The following CDH13 variants were observed in gnomAD, a reference collection of about 807,000 sequenced individuals.
CDH13 encodes cadherin-13.
A neutral mutation model predicts 63.8 loss-of-function variants in CDH13; 24 were observed. The ratio of observed to expected loss-of-function variants is 0.38; its 90% CI spans 0.27 to 0.53. The LOEUF is 0.53. CDH13 is among the 20% of genes least tolerant of loss of function. CDH13 has a pLI of 0.85. For missense variants in CDH13, 1,049 were observed against 903.1 expected, an observed-to-expected ratio of 1.16 and a Z score of -2.07; for synonymous variants, 503 against 355.3, an observed-to-expected ratio of 1.42 and a Z score of -4.67.
intron 5 of CDH13, among the ~76,000 whole-genome samples, chr16:83,292,916 A>G (rs886663458): frequency 3.3e-5 from 5 of 152,200 alleles, no homozygotes; most frequent in Non-Finnish European, 5.9e-5. Flanking sequence ...GCATTTTACA[A>G]TATCTATTGG....
chr16:83,595,547 C>T (rs758381860), intron 7 of CDH13, among the ~76,000 whole-genome samples: 1 of 152,218 alleles, frequency 6.6e-6, no homozygotes, highest in African/African-American at 2.4e-5. Context: ...TGGCTTATGT[C>T]TTGCTCACAT....
At chr16:82,841,893 C>T (rs2039021645) in intron 1 of CDH13, among the ~76,000 whole-genome samples, 1 of 151,842 alleles carries the variant, frequency 6.6e-6, no homozygotes, top group Non-Finnish European at 1.5e-5. Context: ...AGTGATTTCA[C>T]ATTAGTAGCT....
At chr16:83,028,218 G>A (rs1199664877) in intron 2 of CDH13, among the ~76,000 whole-genome samples, 1 of 152,172 alleles carries the variant, frequency 6.6e-6, no homozygotes, top group African/African-American at 2.4e-5. Flanking sequence ...AATACTAATT[G>A]ATGATAACAG....
chr16:83,080,869 G>GTTTTTTTTT (rs1555579021), intron 3 of CDH13, among the ~76,000 whole-genome samples: 3 of 37,792 alleles, frequency 7.9e-5, no homozygotes, highest in African/African-American at 3.2e-4. Context: ...TTTTGTTTTT[G>GTTTTTTTTT]TGTTTTTTTT....
intron 1 of CDH13, among the ~76,000 whole-genome samples, chr16:82,828,950 A>G (rs1159899833): frequency 2.6e-5 from 4 of 152,184 alleles, no homozygotes; most frequent in Non-Finnish European, 5.9e-5. Context: ...CCTTTTAGAT[A>G]AAGTTTCATA....
chr16:83,265,885 G>T (rs1335534398), intron 5 of CDH13, among the ~76,000 whole-genome samples: 1 of 151,802 alleles, frequency 6.6e-6, no homozygotes, highest in Non-Finnish European at 1.5e-5. Context: ...GCCTCAAAAT[G>T]GGTGATGGGG....
chr16:83,459,547 G>T (rs892072987), intron 6 of CDH13, among the ~76,000 whole-genome samples: 7 of 152,172 alleles, frequency 4.6e-5, no homozygotes, highest in Non-Finnish European at 1.0e-4. Context: ...CTTGAAGCAA[G>T]CTAACTAATT....
At chr16:83,193,565 C>G (rs893571749) in intron 4 of CDH13, among the ~76,000 whole-genome samples, 3 of 152,190 alleles carry the variant, frequency 2.0e-5, no homozygotes, top group African/African-American at 4.8e-5. Context: ...TGTGGTCTCC[C>G]TGAGACCTTT....
At chr16:83,567,449 A>C (rs769456467) in intron 7 of CDH13, among the ~76,000 whole-genome samples, 1 of 152,218 alleles carries the variant, frequency 6.6e-6, no homozygotes, top group Non-Finnish European at 1.5e-5. Flanking sequence ...AGTCACAAGA[A>C]GAGTTGCTTG....
intron 11 of CDH13, chr16:83,773,083 C>T (rs1268366453): frequency 6.6e-6 from 1 of 152,170 alleles, no homozygotes; most frequent in Non-Finnish European, 1.5e-5. Flanking sequence ...TGGAGTTAGG[C>T]TCCAACCCTT....
intron 2 of CDH13, among the ~76,000 whole-genome samples, chr16:82,966,411 T>A (rs1907839470): frequency 6.6e-6 from 1 of 152,176 alleles, no homozygotes; most frequent in Non-Finnish European, 1.5e-5. Context: ...CCTCCCAAAG[T>A]GTTGGGATTA....
chr16:83,674,647 C>A (rs557768838), intron 9 of CDH13, among the ~76,000 whole-genome samples: 8 of 152,348 alleles, frequency 5.3e-5, no homozygotes, highest in Admixed American at 3.3e-4. Flanking sequence ...AGCAATCCAA[C>A]ATACAGAAGA....
At chr16:83,035,851 C>G (rs186229368) in intron 3 of CDH13, among the ~76,000 whole-genome samples, 1 of 152,134 alleles carries the variant, frequency 6.6e-6, no homozygotes, top group Non-Finnish European at 1.5e-5. Context: ...TTCAATGAGA[C>G]GATACATGTA....
chr16:83,180,970 A>C, intron 4 of CDH13: 1 of 1,532,132 alleles, frequency 6.5e-7, no homozygotes, highest in South Asian at 1.2e-5. Context: ...TGAACATCCT[A>C]TTTGGCGACA....
intron 7 of CDH13, among the ~76,000 whole-genome samples, chr16:83,600,585 G>A (rs553128736): frequency 3.7e-4 from 56 of 152,206 alleles, no homozygotes; most frequent in Middle Eastern, 3.4e-3. Context: ...TTGCTTTTTT[G>A]TTCCTTGCTT....
intron 1 of CDH13, among the ~76,000 whole-genome samples, chr16:82,684,292 T>G (rs373669992): frequency 6.6e-6 from 1 of 152,166 alleles, no homozygotes; most frequent in South Asian, 2.1e-4. Flanking sequence ...CATAAGGGTT[T>G]CCTTGATTAC....
chr16:83,715,928 C>T (rs1211634651), intron 10 of CDH13, among the ~76,000 whole-genome samples: 2 of 152,164 alleles, frequency 1.3e-5, no homozygotes, highest in Non-Finnish European at 2.9e-5. Flanking sequence ...TCCCCTTTTG[C>T]AGTAATTTTC....
rs566201841 is a variant in CDH13 at position 83,343,545 on chromosome 16, T to A, written c.637-1317T>A. On this transcript the variant is annotated intron_variant, in intron 5 of 13. Coordinates refer to ENST00000567109, the MANE Select transcript of CDH13 (RefSeq NM_001257.5). ...GGTTTCTGTTGAATTTTGCCATGCT[T>A]TTGAAAAGGATTATACTGGTTTACA... is the stretch of plus-strand genomic sequence containing the variant. Among the ~76,000 whole-genome samples, 22 of 152,326 alleles carry A rather than the reference T, an allele frequency of 1.4e-4. No homozygotes were observed. The South Asian group carries it at 4.6e-3, about 32-fold the overall frequency.
chr16:83,284,050 C>T (rs545891456), intron 5 of CDH13, among the ~76,000 whole-genome samples: 3 of 152,252 alleles, frequency 2.0e-5, no homozygotes, highest in East Asian at 3.9e-4. Flanking sequence ...GATCTGAAAC[C>T]AAGCCCCTGT....
Sources: allele counts gnomAD v4.1 joint callset (sites outside exome capture counted in the v4.1 genomes callset), GRCh38; gene constraint gnomAD v4.1.1; transcripts MANE v1.5; gene names NCBI Gene and HGNC (gene_info 2026-07-23, HGNC 2026-07-21).